SERINC5: variants seen among roughly 807,000 people sequenced by gnomAD.
SERINC5 encodes chromosome 5 open reading frame 12.
Under a neutral mutation model 63.1 loss-of-function variants are expected in SERINC5, and 41 were observed. That is an observed-to-expected ratio of 0.65 (90% CI 0.51 to 0.84). The LOEUF (loss-of-function observed/expected upper bound fraction) is 0.84, where lower values mean the gene tolerates loss of function less well. Among genes scored for constraint, SERINC5 ranks in the 40% least tolerant of loss-of-function variants. SERINC5 has a pLI of 0.00. For missense variants in SERINC5, 523 were observed against 573.0 expected (o/e 0.91, Z 0.89); for synonymous variants, 222 against 215.2 (o/e 1.03, Z -0.28).
At chr5:80,137,164 CAAAAAAA>C (rs796274001), downstream of SERINC5, among the ~76,000 whole-genome samples, 3 of 79,082 alleles carry the variant, frequency 3.8e-5, no homozygotes, top group African/African-American at 8.2e-5. Flanking sequence ...AAAAAAAAAA[CAAAAAAA>C]ACACCTAAAA....
chr5:80,133,810 T>A (rs1745044943), downstream of SERINC5, among the ~76,000 whole-genome samples: 1 of 152,188 alleles, frequency 6.6e-6, no homozygotes, highest in Non-Finnish European at 1.5e-5. Flanking sequence ...AGACTTGGGA[T>A]GGGGTTTTTA....
chr5:80,185,147 T>C (rs1748719095), intron 2 of SERINC5, among the ~76,000 whole-genome samples: 1 of 152,122 alleles, frequency 6.6e-6, no homozygotes, highest in African/African-American at 2.4e-5. Flanking sequence ...AGTGCAGGGA[T>C]TACATGCGTG....
At chr5:80,126,446 G>A (rs563464738) in intron 11 of SERINC5, among the ~76,000 whole-genome samples, 1 of 152,260 alleles carries the variant, frequency 6.6e-6, no homozygotes, top group South Asian at 2.1e-4. Flanking sequence ...TTTAGTGCTA[G>A]ATGCTTCTAA....
intron 6 of SERINC5, among the ~76,000 whole-genome samples, chr5:80,168,910 G>C (rs1299467163): frequency 6.6e-6 from 1 of 152,150 alleles, no homozygotes; most frequent in East Asian, 1.9e-4. Context: ...CTGACTCCCA[G>C]ACCACACTGT....
At chr5:80,158,679 G>A in intron 8 of SERINC5, 157 bp downstream of exon 8, 1 of 628,492 alleles carries the variant, frequency 1.6e-6, no homozygotes, top group Non-Finnish European at 2.7e-6. Context: ...GGTGAACGAA[G>A]TTCAAATATG....
chr5:80,134,071 G>A (rs1425135301), downstream of SERINC5, among the ~76,000 whole-genome samples: 1 of 152,200 alleles, frequency 6.6e-6, no homozygotes, highest in Non-Finnish European at 1.5e-5. Context: ...CCAGCTGCAT[G>A]ACTCCTAAAC....
At chr5:80,228,152 A>G (rs1178043759) in intron 1 of SERINC5, among the ~76,000 whole-genome samples, 1 of 148,628 alleles carries the variant, frequency 6.7e-6, no homozygotes, top group Admixed American at 6.8e-5. Context: ...GGATCACCAG[A>G]GCCTGTGAGG....
intron 1 of SERINC5, among the ~76,000 whole-genome samples, chr5:80,234,835 T>C (rs754398964): frequency 2.6e-5 from 4 of 152,188 alleles, no homozygotes; most frequent in Non-Finnish European, 5.9e-5. Context: ...GACACAGTGT[T>C]CTTTAACCTC....
downstream of SERINC5, chr5:80,111,511 G>C (rs1430409196): frequency 6.6e-6 from 1 of 152,254 alleles, no homozygotes; most frequent in Non-Finnish European, 1.5e-5. Flanking sequence ...CAGGGGCTTA[G>C]GGTAATATCA....
At chr5:80,173,544 C>T (rs568984468) in intron 5 of SERINC5, among the ~76,000 whole-genome samples, 6 of 151,962 alleles carry the variant, frequency 3.9e-5, no homozygotes, top group South Asian at 2.1e-4. Flanking sequence ...TGCAGTGAGC[C>T]GAGATTGTGC....
intron 3 of SERINC5, 32 bp downstream of exon 3, chr5:80,177,854 A>C (rs751200253): frequency 6.5e-7 from 1 of 1,550,380 alleles, no homozygotes; most frequent in South Asian, 1.2e-5. Context: ...AAGAAAGGAG[A>C]AAGCAATCCC....
At chr5:80,195,970 G>A (rs553278786) in intron 2 of SERINC5, among the ~76,000 whole-genome samples, 1 of 152,274 alleles carries the variant, frequency 6.6e-6, no homozygotes, top group East Asian at 1.9e-4. Context: ...AGGGCAGCTG[G>A]GAACATCTGG....
rs769962711 is a variant in SERINC5 at position 80,174,983 on chromosome 5, C to T, written c.522G>A (p.Val174=). 1.1e-5 allele frequency: 17 copies of T among 1,602,178 alleles called. No individual in the cohort carries two copies. The African/African-American group carries it at 1.2e-4, about 11-fold the overall frequency. Residue 174 remains valine (V), a synonymous_variant, in exon 5 of 12, where the codon GTG becomes GTA. Transcript: ENST00000507668. ...LFIGIQLLLL[V]EFAHKWNKNW... ...TCTTGTTCCACTTATGTGCAAACTC[C>T]ACGAGCAGGAGGAGCTGGATGCCAA...
At position 80,146,405 on chromosome 5, in the gene SERINC5, C is replaced by T. The variant is rs566177090; in HGVS notation, c.1094-171G>A. Among the ~76,000 whole-genome samples, 3 of 152,332 alleles carry T rather than the reference C, an allele frequency of 2.0e-5. No homozygotes were observed. In the South Asian group the frequency reaches 6.2e-4, roughly 32 times the overall value. The stretch of plus-strand genomic sequence containing the variant: ...CCTAAGCACAAAACCCCCACTCCAC[C>T]CTAGCAACTTCCGTAACAGGAAGAG... On this transcript the variant is annotated intron_variant, in intron 10 of 11. Coordinates refer to ENST00000507668, the MANE Select transcript of SERINC5 (RefSeq NM_001174072.3).
chr5:80,241,962 AAAGAG>A (rs1751957281), intron 1 of SERINC5, among the ~76,000 whole-genome samples: 1 of 151,634 alleles, frequency 6.6e-6, no homozygotes, highest in Non-Finnish European at 1.5e-5. Context: ...TGTCTCCACA[AAAGAG>A]AATTAAAAAA....
At chr5:80,247,532 G>C (rs2112607150) in intron 1 of SERINC5, among the ~76,000 whole-genome samples, 1 of 152,324 alleles carries the variant, frequency 6.6e-6, no homozygotes, top group South Asian at 2.1e-4. Flanking sequence ...CAGCTGGACA[G>C]GTCAGCTACA....
At chr5:80,138,542 G>A (rs1188434276), downstream of SERINC5, among the ~76,000 whole-genome samples, 1 of 151,866 alleles carries the variant, frequency 6.6e-6, no homozygotes, top group Non-Finnish European at 1.5e-5. Flanking sequence ...GTTGCAGTGA[G>A]CCGAGATCGC....
intron 6 of SERINC5, chr5:80,166,743 G>A (rs529614335): frequency 6.5e-6 from 2 of 305,554 alleles, no homozygotes; most frequent in Admixed American, 9.4e-5. Context: ...CAAGCCTATG[G>A]CTACACTTAA....
Position 80,139,117 on chromosome 5 carries a change from T to G in SERINC5, c.*4546A>C, listed in dbSNP as rs1745352852. 2 of 984,996 alleles carry G rather than the reference T, an allele frequency of 2.0e-6. No individual in the cohort carries two copies. Among genetic ancestry groups the G allele is most frequent in the South Asian group, 4.7e-5 (1 of 21,288 alleles). 61.0% of individuals were successfully genotyped at this position (984,996 alleles called of 1,614,324 possible). A position where few individuals can be genotyped will look rare whatever the true frequency, so the allele number is the denominator to read the frequency against. ...GTAGATTTACCACACATATTGCATT[T>G]TCAAATTCTAATGTAGCAAAACGTA... On this transcript the variant is annotated 3_prime_UTR_variant, in exon 12 of 12. Coordinates refer to ENST00000507668, the MANE Select transcript of SERINC5 (RefSeq NM_001174072.3).
Sources: allele counts gnomAD v4.1 joint callset (sites outside exome capture counted in the v4.1 genomes callset), GRCh38; gene constraint gnomAD v4.1.1; transcripts MANE v1.5; gene names NCBI Gene and HGNC (gene_info 2026-07-23, HGNC 2026-07-21).